LHX4: variants seen among roughly 807,000 people sequenced by gnomAD.
The protein encoded by LHX4 is LIM homeobox 4, also known as LIM/homeobox protein Lhx4.
Under a neutral mutation model 39.2 loss-of-function variants are expected in LHX4, and 16 were observed. The observed-to-expected ratio is 0.41, with a 90% CI of 0.28 to 0.62. LHX4 has a LOEUF of 0.62. Ranked by LOEUF, LHX4 falls within the 20% of genes least tolerant of loss-of-function variation. The pLI is 0.33. For synonymous variants in LHX4, 206 were observed against 198.1 expected (o/e 1.04, Z -0.33); for missense variants, 439 against 511.9 (o/e 0.86, Z 1.37).
At chr1:180,259,491 A>T (rs1648014130) in intron 2 of LHX4, among the ~76,000 whole-genome samples, 1 of 151,564 alleles carries the variant, frequency 6.6e-6, no homozygotes, top group African/African-American at 2.4e-5. Context: ...CGGGTGTGCG[A>T]GTGGAAGGCA....
At chr1:180,245,225 C>G (rs897283854) in intron 1 of LHX4, among the ~76,000 whole-genome samples, 19 of 152,236 alleles carry the variant, frequency 1.2e-4, no homozygotes, top group African/African-American at 4.6e-4. Context: ...CCCGCTCCCC[C>G]TTGCCCTTCA....
chr1:180,246,423 T>C (rs922651568), intron 1 of LHX4, among the ~76,000 whole-genome samples: 5 of 152,204 alleles, frequency 3.3e-5, no homozygotes, highest in Non-Finnish European at 5.9e-5. Flanking sequence ...ATCAAAAACA[T>C]GTATGAGGCC....
chr1:180,258,985 G>A (rs979357662), intron 2 of LHX4, among the ~76,000 whole-genome samples: 6 of 152,066 alleles, frequency 3.9e-5, no homozygotes, highest in African/African-American at 1.2e-4. Flanking sequence ...AGAGGGTGCG[G>A]GGGGTGTTGG....
intron 1 of LHX4, among the ~76,000 whole-genome samples, chr1:180,236,365 C>T (rs1334422166): frequency 6.6e-6 from 1 of 152,214 alleles, no homozygotes; most frequent in Non-Finnish European, 1.5e-5. Flanking sequence ...ATTGTCCTAA[C>T]TTCCCAGTTG....
At position 180,276,701 on chromosome 1, in the gene LHX4, C is replaced by G. The variant is rs1649050142; in HGVS notation, c.*2122C>G. The G allele has an allele frequency of 6.6e-6, 1 of 152,114 alleles. No individual in the cohort carries two copies. Among genetic ancestry groups the G allele is most frequent in the South Asian group, 2.1e-4 (1 of 4,820 alleles). The allele number at this position is 152,114 out of a possible 1,614,324, so 9.4% of individuals were successfully genotyped here. A position where few individuals can be genotyped will look rare whatever the true frequency, so the allele number is the denominator to read the frequency against. On this transcript the variant is annotated 3_prime_UTR_variant, in exon 6 of 6. Transcript: ENST00000263726. ...ACACAGGAGAAAAGGCTCTGCTGGG[C>G]AATGAACCAGATGAAAAGCTGCCCA...
chr1:180,261,056 A>G (rs2149261399), intron 2 of LHX4, among the ~76,000 whole-genome samples: 1 of 151,970 alleles, frequency 6.6e-6, no homozygotes, highest in South Asian at 2.1e-4. Context: ...TGGTTTAGTA[A>G]ACCATGGGCC....
At chr1:180,265,011 C>T (rs1648255611) in intron 2 of LHX4, among the ~76,000 whole-genome samples, 1 of 152,222 alleles carries the variant, frequency 6.6e-6, no homozygotes, top group African/African-American at 2.4e-5. Context: ...CTGGCCATGC[C>T]TATTCCGGGC....
rs138621879 is a variant in LHX4, at chr1:180,266,099, T to C, written c.249-293T>C. Reference sequence around the variant, plus strand: ...AAAGTCCACCTGCTCCCCCTGTGAATTGATGGGTGTTAATCGGGCAGCTGG... The same window carrying C: ...AAAGTCCACCTGCTCCCCCTGTGAACTGATGGGTGTTAATCGGGCAGCTGG... On this transcript the variant is annotated intron_variant, in intron 2 of 5. Coordinates refer to ENST00000263726, the MANE Select transcript of LHX4 (RefSeq NM_033343.4). The surrounding 1 kb of genome is among the most constrained non-coding windows in gnomAD (Gnocchi z 5.7). Among the ~76,000 whole-genome samples, 1 of 152,230 alleles carries C rather than the reference T, an allele frequency of 6.6e-6. No individual in the cohort carries two copies. Among genetic ancestry groups the C allele is most frequent in the African/African-American group, 2.4e-5 (1 of 41,534 alleles).
chr1:180,251,074 C>T (rs1162569674), intron 2 of LHX4, among the ~76,000 whole-genome samples: 4 of 152,194 alleles, frequency 2.6e-5, no homozygotes, highest in East Asian at 1.9e-4. Context: ...CCTTCCCACC[C>T]GGTGAGTCTT....
Position 180,234,767 on chromosome 1 carries a change from C to T in LHX4, c.76+4162C>T, listed in dbSNP as rs1425081620. Among the ~76,000 whole-genome samples, 1 of 152,244 alleles carries T rather than the reference C, an allele frequency of 6.6e-6. No individual in the cohort carries two copies. The highest frequency in any genetic ancestry group is 1.5e-5 in the Non-Finnish European group (1 of 68,044). On this transcript the variant is annotated intron_variant, in intron 1 of 5. Transcript: ENST00000263726. This position sits in a 1 kb window ranked among gnomAD's most constrained non-coding sequence, Gnocchi z 4.8. ...AGCAGGACCTAACTCAAGTTTATTTCCTCTCTTGGCCGAGGTCCGGGCTCG... is the reference window on the plus strand; with the variant it reads ...AGCAGGACCTAACTCAAGTTTATTTTCTCTCTTGGCCGAGGTCCGGGCTCG...
rs1558207157 is a variant in LHX4 at position 180,234,194 on chromosome 1, T to A, written c.76+3589T>A. ...TTATATATATATATATATATATATA[T>A]ATATATATATATATATATATATATA... On this transcript the variant is annotated intron_variant, in intron 1 of 5. Transcript: ENST00000263726. The surrounding 1 kb of genome is among the most constrained non-coding windows in gnomAD (Gnocchi z 4.8). Among the ~76,000 whole-genome samples, 6 of 102,758 alleles carry A rather than the reference T, an allele frequency of 5.8e-5. No homozygotes were observed. The East Asian group carries it at 1.2e-3, about 20-fold the overall frequency. The allele number at this position is 102,758 out of a possible 152,430, so 67.4% of individuals were successfully genotyped here. A position where few individuals can be genotyped will look rare whatever the true frequency, so the allele number is the denominator to read the frequency against.
Position 180,271,909 on chromosome 1 carries a change from C to G in LHX4, c.681C>G (p.Phe227Leu). Residue 227 changes from phenylalanine to leucine, a missense_variant, in exon 5 of 6, where the codon TTC becomes TTG. Phe to Leu is a conservative substitution (Grantham distance 22, BLOSUM62 0). Transcript: ENST00000263726. ...CAGGGCGGCACCGCTGGGGGCAGTTCTATAAGAGCGTCAAGAGGAGCCGGG... is the reference window on the plus strand; with the variant it reads ...CAGGGCGGCACCGCTGGGGGCAGTTGTATAAGAGCGTCAAGAGGAGCCGGG... ...KDAGRHRWGQ[F>L]YKSVKRSRGS... 1 of 1,613,510 alleles carries G rather than the reference C, an allele frequency of 6.2e-7. No individual in the cohort carries two copies. The highest frequency in any genetic ancestry group is 1.1e-5 in the South Asian group (1 of 91,042).
Position 180,232,543 on chromosome 1 carries a change from C to T in LHX4, c.76+1938C>T, listed in dbSNP as rs1385192207. 6.6e-6 allele frequency among the ~76,000 whole-genome samples: 1 copy of T among 152,172 alleles called. No homozygotes were observed. Among genetic ancestry groups the T allele is most frequent in the Non-Finnish European group, 1.5e-5 (1 of 68,026 alleles). ...TCCACACCCACCCCCCCAGGGTGGC[C>T]CAGGGAGGCAATGTCTAATCTAGAG... On this transcript the variant is annotated intron_variant, in intron 1 of 5. Coordinates refer to ENST00000263726, the MANE Select transcript of LHX4 (RefSeq NM_033343.4). The surrounding 1 kb of genome is among the most constrained non-coding windows in gnomAD (Gnocchi z 5.4).
chr1:180,263,285 C>T (rs983054594), intron 2 of LHX4, among the ~76,000 whole-genome samples: 12 of 152,206 alleles, frequency 7.9e-5, no homozygotes, highest in African/African-American at 2.2e-4. Context: ...TATTGCCTGT[C>T]GCAGGGCAAG....
At chr1:180,240,152 A>G (rs1260339966) in intron 1 of LHX4, among the ~76,000 whole-genome samples, 1 of 152,252 alleles carries the variant, frequency 6.6e-6, no homozygotes, top group Non-Finnish European at 1.5e-5. Context: ...CAAACTTTAC[A>G]AAATATTAAT....
chr1:180,265,406 C>T (rs1648272538), intron 2 of LHX4, among the ~76,000 whole-genome samples: 1 of 152,198 alleles, frequency 6.6e-6, no homozygotes. Flanking sequence ...CTGTCGGCCC[C>T]CAAATTTCCC....
chr1:180,248,626 T>G, intron 2 of LHX4, 170 bp downstream of exon 2: 2 of 722,480 alleles, frequency 2.8e-6, no homozygotes, highest in Non-Finnish European at 4.9e-6. Flanking sequence ...CCCCTTCTGA[T>G]CACTGGCCCA....
intron 2 of LHX4, among the ~76,000 whole-genome samples, chr1:180,263,721 C>T (rs1004406485): frequency 3.9e-5 from 6 of 152,204 alleles, no homozygotes; most frequent in Non-Finnish European, 7.3e-5. Context: ...TTTATACCCC[C>T]GTTATCTTTC....
intron 1 of LHX4, among the ~76,000 whole-genome samples, chr1:180,237,059 G>A (rs60046979): frequency 0.15 from 23,020 of 152,172 alleles, 1,979 homozygotes; most frequent in Non-Finnish European, 0.2. Flanking sequence ...AAATTCCATC[G>A]CGGTCTGGTG....
Sources: gnomAD v4.1 joint callset for allele counts (sites outside exome capture counted in the v4.1 genomes callset) on GRCh38, gnomAD v4.1.1 for gene constraint, Gnocchi (gnomAD v3.1) non-coding constraint, MANE v1.5 for transcripts, NCBI Gene and HGNC (gene_info 2026-07-23, HGNC 2026-07-21) for gene names.